Variants in HEG1 observed in about 807,000 individuals in gnomAD.
HEG1 encodes protein HEG homolog 1.
Under a neutral mutation model 125.6 loss-of-function variants are expected in HEG1, and 56 were observed. That is an observed-to-expected ratio of 0.45 (90% CI 0.36 to 0.56). HEG1 has a LOEUF of 0.56. HEG1 is among the 20% of genes least tolerant of loss of function. HEG1 has a pLI of 0.00. For missense variants in HEG1, 1,523 were observed against 1,670.0 expected, an observed-to-expected ratio of 0.91 and a Z score of 1.53; for synonymous variants, 644 against 668.5, an observed-to-expected ratio of 0.96 and a Z score of 0.57.
intron 14 of HEG1, among the ~76,000 whole-genome samples, chr3:124,988,292 A>G (rs1333104767): frequency 6.6e-6 from 1 of 152,078 alleles, no homozygotes; most frequent in Non-Finnish European, 1.5e-5. Flanking sequence ...TGGCTTGCCT[A>G]AATACTGATC....
In HEG1 at chr3:124,973,793, T is replaced by C. The variant is rs775010877; in HGVS notation, c.3934A>G (p.Ile1312Val). 1.1e-5 allele frequency: 18 copies of C among 1,613,894 alleles called. No individual in the cohort carries two copies. The highest frequency in any genetic ancestry group is 1.5e-5 in the Non-Finnish European group (18 of 1,179,864). ...PRSQEWGREA[I>V]EMHENGSTKN... The stretch of plus-strand genomic sequence containing the variant: ...GTACTTCCATTCTCATGCATTTCAA[T>C]AGCTTCTCGGCCCCATTCTTGTGAG... The change falls in exon 16 of 17, where the codon ATT becomes GTT. Residue 1312 changes from isoleucine to valine, a missense_variant. Ile to Val is a conservative substitution (Grantham distance 29). Transcript: ENST00000311127.
intron 16 of HEG1, among the ~76,000 whole-genome samples, chr3:124,973,020 A>G (rs763347683): frequency 3.1e-4 from 47 of 151,032 alleles, no homozygotes; most frequent in Non-Finnish European, 5.9e-4. Context: ...TATTGCTATT[A>G]TTATTATTAT....
intron 3 of HEG1, among the ~76,000 whole-genome samples, chr3:125,023,036 A>T (rs1333128291): frequency 6.6e-6 from 1 of 152,152 alleles, no homozygotes; most frequent in African/African-American, 2.4e-5. Flanking sequence ...TCTACTAAAA[A>T]TACAAAAATT....
chr3:125,032,524 G>A (rs949418115), intron 1 of HEG1, among the ~76,000 whole-genome samples: 2 of 152,166 alleles, frequency 1.3e-5, no homozygotes, highest in African/African-American at 4.8e-5. Context: ...GTTTCCAGGG[G>A]CAGCCACAAG....
chr3:125,055,305 TG>T (rs1937907825), intron 1 of HEG1, among the ~76,000 whole-genome samples: 1 of 151,830 alleles, frequency 6.6e-6, no homozygotes, highest in African/African-American at 2.4e-5. Flanking sequence ...TTTTTTAAAG[TG>T]GGGTGGAAGA....
In HEG1 at chr3:125,020,929, A is replaced by T. The variant is rs1218444635; in HGVS notation, c.1115T>A (p.Val372Asp). 1 of 1,613,866 alleles carries T rather than the reference A, an allele frequency of 6.2e-7. No individual in the cohort carries two copies. Among genetic ancestry groups the T allele is most frequent in the Non-Finnish European group, 8.5e-7 (1 of 1,179,900 alleles). The change falls in exon 4 of 17, where the codon GTC becomes GAC. Residue 372 changes from valine to aspartate, a missense_variant. Physicochemically the swap from Val to Asp is radical, Grantham distance 152. Transcript: ENST00000311127. The stretch of plus-strand genomic sequence containing the variant: ...TTCCACTGCAGAGGGTGAAAGAAGG[A>T]CTGAGGATGAAGTCGTGGCAATTCT... ...DSRIATTSSSVLLSPSAVESR... is the reference protein window; with the variant it reads ...DSRIATTSSSDLLSPSAVESR...
intron 1 of HEG1, among the ~76,000 whole-genome samples, chr3:125,049,149 G>T (rs1263862195): frequency 5.3e-5 from 8 of 152,264 alleles, no homozygotes; most frequent in South Asian, 2.1e-4. Flanking sequence ...CAGAATGGAG[G>T]CCAGAGGCCT....
chr3:125,011,601 C>G (rs961899744), intron 6 of HEG1, among the ~76,000 whole-genome samples: 1 of 152,190 alleles, frequency 6.6e-6, no homozygotes, highest in South Asian at 2.1e-4. Context: ...CCCAGAGGTG[C>G]TCAGATCACT....
Position 125,013,455 on chromosome 3 carries a change from T to C in HEG1, c.2124A>G (p.Ala708=), listed in dbSNP as rs1276537315. 2.5e-6 allele frequency: 4 copies of C among 1,613,932 alleles called. No individual in the cohort carries two copies. Among genetic ancestry groups the C allele is most frequent in the Admixed American group, 3.3e-5 (2 of 60,030 alleles). The change falls in exon 6 of 17, where the codon GCA becomes GCG. Residue 708 remains alanine (A), a synonymous_variant. Transcript: ENST00000311127. ...SVHLLKSTSD[A]STPWSSSPSP... ...ATGGTGAGGAAGACCATGGTGTGGA[T>C]GCATCAGAGGTAGACTTTAGTAGAT...
At chr3:124,996,667 G>A (rs1379409484) in intron 12 of HEG1, among the ~76,000 whole-genome samples, 9 of 152,164 alleles carry the variant, frequency 5.9e-5, no homozygotes, top group Admixed American at 5.9e-4. Context: ...TAAGAGTGCT[G>A]CCCTGAAATA....
In HEG1 at chr3:125,027,191, T is replaced by C; in HGVS notation, c.913+14A>G. The C allele has an allele frequency of 1.3e-6, 2 of 1,569,830 alleles. No homozygotes were observed. The highest frequency in any genetic ancestry group is 2.4e-5 in the South Asian group (2 of 82,334). ...AGTGACTTCCGAGTGTTAAGCTGGG[T>C]ATGTGGCACTCACATGAGGAAAGGT... On this transcript the variant is annotated intron_variant, in intron 3 of 16. Transcript: ENST00000311127.
At chr3:125,039,186 T>C (rs562702167) in intron 1 of HEG1, among the ~76,000 whole-genome samples, 14 of 152,262 alleles carry the variant, frequency 9.2e-5, no homozygotes, top group African/African-American at 3.4e-4. Context: ...TGTTTTTTTT[T>C]TCCTCCTAAT....
intron 5 of HEG1, among the ~76,000 whole-genome samples, chr3:125,015,759 C>T (rs1937235724): frequency 6.6e-6 from 1 of 151,918 alleles, no homozygotes; most frequent in African/African-American, 2.4e-5. Context: ...TTCTCCTTGG[C>T]CTAAATCCTT....
chr3:124,983,855 G>A (rs1017328507), intron 14 of HEG1, among the ~76,000 whole-genome samples: 1 of 152,026 alleles, frequency 6.6e-6, no homozygotes. Context: ...AATAGTCCTC[G>A]CTAGCAGAAG....
At chr3:124,974,803 A>T (rs2107686149) in intron 15 of HEG1, among the ~76,000 whole-genome samples, 1 of 152,322 alleles carries the variant, frequency 6.6e-6, no homozygotes, top group Non-Finnish European at 1.5e-5. Flanking sequence ...GGGTCATAAA[A>T]CCAAATGTCT....
Position 125,012,689 on chromosome 3 carries a change from T to A in HEG1, c.2890A>T (p.Lys964Ter). ...CTCTGAACAGCAAAGGTGGCAGATT[T>A]GGGAGCCAAGTCTTCAGCCGTGGAA... ...VVSTAEDLAP[K>*]SATFAVQSST... The change falls in exon 6 of 17, where the codon AAA (lysine) becomes TAA (stop). Residue 964 changes from lysine to a stop codon, truncating the protein, a stop_gained. Transcript: ENST00000311127. LOFTEE classifies it high-confidence loss of function. 7.4e-6 allele frequency: 12 copies of A among 1,613,898 alleles called. No individual in the cohort carries two copies. The highest frequency in any genetic ancestry group is 1.0e-5 in the Non-Finnish European group (12 of 1,179,868).
intron 1 of HEG1, among the ~76,000 whole-genome samples, chr3:125,054,851 T>C (rs1360862743): frequency 6.6e-6 from 1 of 152,202 alleles, no homozygotes; most frequent in African/African-American, 2.4e-5. Context: ...CCACTCAGTA[T>C]GTGGCATATT....
chr3:125,033,279 C>G (rs1937516709), intron 1 of HEG1, among the ~76,000 whole-genome samples: 1 of 152,110 alleles, frequency 6.6e-6, no homozygotes, highest in South Asian at 2.1e-4. Context: ...TGGCAGCTGC[C>G]CTGGAGGCAC....
intron 8 of HEG1, among the ~76,000 whole-genome samples, chr3:125,006,886 C>A (rs1350621419): frequency 6.6e-6 from 1 of 152,204 alleles, no homozygotes; most frequent in African/African-American, 2.4e-5. Context: ...TAGGCTGATA[C>A]CCAGACTCTC....
Sources: allele counts gnomAD v4.1 joint callset (sites outside exome capture counted in the v4.1 genomes callset), GRCh38; gene constraint gnomAD v4.1.1; transcripts MANE v1.5; gene names NCBI Gene and HGNC (gene_info 2026-07-23, HGNC 2026-07-21).